ERG: variants seen among roughly 807,000 people sequenced by gnomAD.
ERG encodes transcriptional regulator ERG.
ERG carries 9 observed loss-of-function variants against 55.3 expected under a neutral mutation model. The ratio of observed to expected loss-of-function variants is 0.16; its 90% CI spans 0.10 to 0.28. The LOEUF is 0.28. ERG is among the 10% of genes least tolerant of loss of function. The probability of loss-of-function intolerance (pLI) is 1.00; values close to 1 mark genes in which losing one functional copy is unlikely to be tolerated. For missense variants in ERG, 434 were observed against 631.6 expected, an observed-to-expected ratio of 0.69 and a Z score of 3.35; for synonymous variants, 223 against 237.3, an observed-to-expected ratio of 0.94 and a Z score of 0.55.
chr21:38,428,174 G>C (rs965826), intron 2 of ERG, among the ~76,000 whole-genome samples: 116,004 of 150,332 alleles, frequency 0.77, 45,455 homozygotes, highest in South Asian at 0.92. Context: ...GAGCAAAACC[G>C]TGTCTCAAAA....
intron 9 of ERG, among the ~76,000 whole-genome samples, chr21:38,389,122 A>G (rs1170612625): frequency 1.3e-5 from 2 of 152,184 alleles, no homozygotes; most frequent in Non-Finnish European, 2.9e-5. Context: ...CTTGCTTTCT[A>G]TTCTCACAGT....
rs138590499 is a variant in ERG at position 38,600,665 on chromosome 21, C to A, written c.-149-15720G>T. On this transcript the variant is annotated intron_variant, in intron 1 of 10. Transcript: ENST00000398910. ...GGGCTCCGTTTTATTTGACCAATAG[C>A]TGCAAAAGTAAGAAATCGTAATAAG... Among the ~76,000 whole-genome samples the A allele has an allele frequency of 3.1e-3, 479 of 152,306 alleles. 4 individuals carry two copies. Among genetic ancestry groups the A allele is most frequent in the South Asian group, 0.017 (82 of 4,824 alleles).
chr21:38,616,348 C>T (rs908020237), intron 1 of ERG, among the ~76,000 whole-genome samples: 23 of 152,088 alleles, frequency 1.5e-4, no homozygotes, highest in South Asian at 4.2e-4. Flanking sequence ...CCTCTGTGTA[C>T]GGCAAAGCAC....
chr21:38,454,390 G>A (rs1309065119), intron 1 of ERG, among the ~76,000 whole-genome samples: 2 of 152,214 alleles, frequency 1.3e-5, no homozygotes, highest in Admixed American at 6.5e-5. Context: ...CCAAGTGTGA[G>A]CTGAGAGCTT....
At chr21:38,661,069 G>A (rs910396030) in intron 1 of ERG, among the ~76,000 whole-genome samples, 2 of 151,784 alleles carry the variant, frequency 1.3e-5, no homozygotes, top group African/African-American at 2.4e-5. Context: ...AGGCTGGGAC[G>A]GCCGGAGGAG....
chr21:38,609,804 T>C (rs2060215611), intron 1 of ERG, among the ~76,000 whole-genome samples: 1 of 152,316 alleles, frequency 6.6e-6, no homozygotes, highest in Admixed American at 6.5e-5. Context: ...AGGAAGAGAC[T>C]GGGCAAGAAA....
chr21:38,549,878 G>C (rs377054272), intron 2 of ERG, among the ~76,000 whole-genome samples: 4 of 152,336 alleles, frequency 2.6e-5, no homozygotes, highest in East Asian at 1.9e-4. Context: ...TGGGGACATG[G>C]AGACAGCCAG....
chr21:38,497,361 G>A (rs926349723), intron 1 of ERG, among the ~76,000 whole-genome samples: 1 of 152,140 alleles, frequency 6.6e-6, no homozygotes, highest in African/African-American at 2.4e-5. Flanking sequence ...TCTCACCTCC[G>A]TGCAGCAAAA....
intron 3 of ERG, among the ~76,000 whole-genome samples, chr21:38,408,006 A>G (rs949123174): frequency 6.6e-6 from 1 of 151,870 alleles, no homozygotes; most frequent in African/African-American, 2.4e-5. Flanking sequence ...AGTTTCTTTT[A>G]TATTTTGTTA....
intron 1 of ERG, among the ~76,000 whole-genome samples, chr21:38,642,404 T>C (rs2060430737): frequency 6.6e-6 from 1 of 152,218 alleles, no homozygotes; most frequent in Non-Finnish European, 1.5e-5. Flanking sequence ...AATGCTGTTA[T>C]ATATCACTTG....
chr21:38,618,263 CAGGGCAG>C (rs201675883), intron 1 of ERG, among the ~76,000 whole-genome samples: 3,789 of 152,266 alleles, frequency 0.025, 47 homozygotes, highest in East Asian at 0.05. Flanking sequence ...TGTCATGAAA[CAGGGCAG>C]ATGATCATCT....
At position 38,555,048 on chromosome 21, in the gene ERG, CA is replaced by C. The variant is rs374738009; in HGVS notation, c.-41+20613del. On this transcript the variant is annotated intron_variant, in intron 2 of 8. Transcript: ENST00000398897. The stretch of plus-strand genomic sequence containing the variant: ...TTAAATGACATGTTAAAAATCTGGC[CA>C]GGGGTAGTGGTTCACACCTGTAATC... Among the ~76,000 whole-genome samples, 241 of 152,116 alleles carry C rather than the reference CA, an allele frequency of 1.6e-3. 4 individuals are homozygous for C. The East Asian group carries it at 0.041, about 26-fold the overall frequency.
chr21:38,525,077 A>G (rs1232334168), intron 2 of ERG, among the ~76,000 whole-genome samples: 1 of 152,238 alleles, frequency 6.6e-6, no homozygotes, highest in Non-Finnish European at 1.5e-5. Context: ...TAGATGCAGA[A>G]TTAAGATCAT....
At position 38,381,393 on chromosome 21, in the gene ERG, A is replaced by G. The variant is rs888319335; in HGVS notation, c.*2010T>C. ...AAAGATGCCCAGGGAAACTGACTCT[A>G]GATTATGGAAATAAACATTGTCTTC... is the stretch of plus-strand genomic sequence containing the variant. On this transcript the variant is annotated 3_prime_UTR_variant, in exon 10 of 10. Coordinates refer to ENST00000288319, the MANE Select transcript of ERG (RefSeq NM_182918.4). 7 of 1,062,992 alleles carry G rather than the reference A, an allele frequency of 6.6e-6. No homozygotes were observed. In the African/African-American group the frequency reaches 1.1e-4, roughly 17 times the overall value. 65.8% of individuals were successfully genotyped at this position (1,062,992 alleles called of 1,614,324 possible). A position where few individuals can be genotyped will look rare whatever the true frequency, so the allele number is the denominator to read the frequency against.
intron 1 of ERG, among the ~76,000 whole-genome samples, chr21:38,469,019 A>AAAAAAAAATT (rs2059117020): frequency 6.8e-6 from 1 of 147,402 alleles, no homozygotes; most frequent in Non-Finnish European, 1.5e-5. Context: ...AAAAAAGAAA[A>AAAAAAAAATT]TGTGGCTTCA....
Position 38,382,467 on chromosome 21 carries a change from CAAAG to C in ERG, c.*932_*935del, listed in dbSNP as rs754539524. On this transcript the variant is annotated 3_prime_UTR_variant, in exon 10 of 10. Coordinates refer to ENST00000288319, the MANE Select transcript of ERG (RefSeq NM_182918.4). ...CCAGTTAAAATTTTCATTTGACAAACAAAGAAAGAGATGCGCATTTTTGTTTCTG... is the reference window on the plus strand; with the variant it reads ...CCAGTTAAAATTTTCATTTGACAAACAAAGAGATGCGCATTTTTGTTTCTG... 272 of 1,063,420 alleles carry C rather than the reference CAAAG, an allele frequency of 2.6e-4. No homozygotes were observed. The highest frequency in any genetic ancestry group is 2.9e-4 in the Non-Finnish European group (256 of 877,920). 65.9% of individuals were successfully genotyped at this position (1,063,420 alleles called of 1,614,324 possible). A position where few individuals can be genotyped will look rare whatever the true frequency, so the allele number is the denominator to read the frequency against.
chr21:38,566,995 C>T (rs1377842880), intron 2 of ERG, among the ~76,000 whole-genome samples: 1 of 152,202 alleles, frequency 6.6e-6, no homozygotes, highest in Non-Finnish European at 1.5e-5. Flanking sequence ...CCTCCAAACC[C>T]CTCTTACACT....
At chr21:38,622,227 A>C (rs1266392331) in intron 1 of ERG, among the ~76,000 whole-genome samples, 1 of 152,208 alleles carries the variant, frequency 6.6e-6, no homozygotes, top group Admixed American at 6.5e-5. Context: ...GTGTAAACGT[A>C]ACTCACCAAA....
intron 2 of ERG, among the ~76,000 whole-genome samples, chr21:38,542,131 C>T (rs998499231): frequency 3.3e-5 from 5 of 152,182 alleles, no homozygotes; most frequent in African/African-American, 1.2e-4. Flanking sequence ...CTGACTTGGC[C>T]GTGCCACCAT....
Sources: gnomAD v4.1 joint callset for allele counts (sites outside exome capture counted in the v4.1 genomes callset) on GRCh38, gnomAD v4.1.1 for gene constraint, MANE v1.5 for transcripts, NCBI Gene and HGNC (gene_info 2026-07-23, HGNC 2026-07-21) for gene names.